Variants in SLC9B1 observed in about 807,000 individuals in gnomAD.
SLC9B1 encodes the protein sodium/hydrogen exchanger 9B1.
Under a neutral mutation model 51.7 loss-of-function variants are expected in SLC9B1, and 32 were observed. The observed-to-expected ratio is 0.62, with a 90% CI of 0.47 to 0.83. The LOEUF (loss-of-function observed/expected upper bound fraction) is 0.83, where lower values mean the gene tolerates loss of function less well. SLC9B1 is among the 40% of genes least tolerant of loss of function. The probability of loss-of-function intolerance (pLI) is 0.00; values close to 1 mark genes in which losing one functional copy is unlikely to be tolerated. For synonymous variants in SLC9B1, 145 were observed against 212.7 expected (o/e 0.68, Z 2.77); for missense variants, 406 against 613.2 (o/e 0.66, Z 3.57).
At chr4:103,019,083 T>C (rs1433979922) in intron 1 of SLC9B1, among the ~76,000 whole-genome samples, 1 of 152,114 alleles carries the variant, frequency 6.6e-6, no homozygotes, top group Non-Finnish European at 1.5e-5. Context: ...GCCAAAAAGG[T>C]TGGGGACTGC....
At chr4:102,894,506 A>G (rs1734440175) in intron 11 of SLC9B1, among the ~76,000 whole-genome samples, 1 of 152,190 alleles carries the variant, frequency 6.6e-6, no homozygotes, top group Non-Finnish European at 1.5e-5. Context: ...TGGAAATAAG[A>G]TGATAATACA....
At chr4:102,959,436 T>C (rs552111922) in intron 3 of SLC9B1, among the ~76,000 whole-genome samples, 5 of 152,320 alleles carry the variant, frequency 3.3e-5, no homozygotes, top group East Asian at 1.9e-4. Flanking sequence ...TGAAAGAACA[T>C]TGCAATCTGT....
At chr4:102,981,772 C>A (rs572274324) in intron 3 of SLC9B1, among the ~76,000 whole-genome samples, 1 of 152,114 alleles carries the variant, frequency 6.6e-6, no homozygotes, top group South Asian at 2.1e-4. Flanking sequence ...CAAATATGTC[C>A]TTTGCAAATA....
At chr4:102,982,581 A>G (rs557815104) in intron 3 of SLC9B1, among the ~76,000 whole-genome samples, 2 of 152,252 alleles carry the variant, frequency 1.3e-5, no homozygotes, top group East Asian at 3.9e-4. Flanking sequence ...TTTTATAGTT[A>G]TTACTCAAAT....
chr4:102,971,675 C>G (rs980651175), intron 3 of SLC9B1, among the ~76,000 whole-genome samples: 1 of 152,044 alleles, frequency 6.6e-6, no homozygotes, highest in African/African-American at 2.4e-5. Flanking sequence ...ATAAAAAACC[C>G]TTCAAAAAAT....
chr4:102,976,486 CA>C (rs1739076549), intron 3 of SLC9B1, among the ~76,000 whole-genome samples: 1 of 152,080 alleles, frequency 6.6e-6, no homozygotes, highest in Non-Finnish European at 1.5e-5. Flanking sequence ...AGACTATATG[CA>C]AGGATAGGTC....
intron 7 of SLC9B1, among the ~76,000 whole-genome samples, chr4:102,920,777 T>C (rs1189717073): frequency 6.6e-6 from 1 of 152,148 alleles, no homozygotes; most frequent in Non-Finnish European, 1.5e-5. Flanking sequence ...CAAGCTTCAA[T>C]AGCCGATTCA....
rs746692579 is a variant in SLC9B1 at position 102,968,682 on chromosome 4, A to C, written c.212-19255T>G. ...GGTTCATCTCACTGGGACTGGTTGGACAGTGGGTGCAGCCCACAGAGGGTG... is the reference window on the plus strand; with the variant it reads ...GGTTCATCTCACTGGGACTGGTTGGCCAGTGGGTGCAGCCCACAGAGGGTG... On this transcript the variant is annotated intron_variant, in intron 3 of 11. Transcript: ENST00000296422. Among the ~76,000 whole-genome samples the C allele has an allele frequency of 3.4e-4, 51 of 152,198 alleles. 1 individual carries two copies. The highest frequency in any genetic ancestry group is 7.3e-5 in the Non-Finnish European group (5 of 68,032).
At chr4:102,930,364 T>C (rs927602135) in intron 7 of SLC9B1, among the ~76,000 whole-genome samples, 6 of 152,136 alleles carry the variant, frequency 3.9e-5, no homozygotes, top group Non-Finnish European at 8.8e-5. Flanking sequence ...CTTAAGAAAA[T>C]ATGAAGAATA....
At chr4:103,006,411 C>T (rs1438185634) in intron 1 of SLC9B1, among the ~76,000 whole-genome samples, 1 of 151,996 alleles carries the variant, frequency 6.6e-6, no homozygotes, top group Non-Finnish European at 1.5e-5. Context: ...GGGTAAATTT[C>T]TGGAAACGTA....
At chr4:102,997,784 A>C (rs374692921) in intron 1 of SLC9B1, among the ~76,000 whole-genome samples, 3 of 152,256 alleles carry the variant, frequency 2.0e-5, no homozygotes, top group African/African-American at 7.2e-5. Context: ...CTTTGCCTGA[A>C]AAATATCTAT....
At chr4:102,925,856 T>C (rs190544059) in intron 7 of SLC9B1, among the ~76,000 whole-genome samples, 1,859 of 152,290 alleles carry the variant, frequency 0.012, 16 homozygotes, top group African/African-American at 0.042. Context: ...AATAAAATAC[T>C]GGCAAACCGA....
At chr4:102,916,285 G>T (rs1269575657) in intron 7 of SLC9B1, among the ~76,000 whole-genome samples, 1 of 152,100 alleles carries the variant, frequency 6.6e-6, no homozygotes, top group East Asian at 1.9e-4. Context: ...AGAGAACAAC[G>T]ATGGCCATAC....
At chr4:102,948,332 A>C (rs1357786228) in intron 4 of SLC9B1, among the ~76,000 whole-genome samples, 4 of 148,470 alleles carry the variant, frequency 2.7e-5, no homozygotes, top group African/African-American at 7.7e-5. Flanking sequence ...CCATACACAC[A>C]CACACACACA....
intron 3 of SLC9B1, among the ~76,000 whole-genome samples, chr4:102,956,242 A>T (rs547723849): frequency 3.2e-4 from 48 of 151,914 alleles, no homozygotes; most frequent in African/African-American, 1.1e-3. Context: ...ACTTTACCAC[A>T]CACAACTTTT....
chr4:103,007,591 CTTT>C (rs58447131), intron 1 of SLC9B1, among the ~76,000 whole-genome samples: 45,808 of 106,164 alleles, frequency 0.43, 6,895 homozygotes, highest in African/African-American at 0.52. Flanking sequence ...CTCTTGTCAT[CTTT>C]TTTTTTTTTT....
At chr4:102,888,344 G>C (rs1734046468) in intron 11 of SLC9B1, 1 of 152,118 alleles carries the variant, frequency 6.6e-6, no homozygotes, top group Admixed American at 6.6e-5. Flanking sequence ...CCATACTCAA[G>C]TCCCACAGAA....
chr4:102,955,530 T>G (rs1737739714), intron 3 of SLC9B1, among the ~76,000 whole-genome samples: 1 of 151,984 alleles, frequency 6.6e-6, no homozygotes. Flanking sequence ...AGGGGTGGAT[T>G]TGGTATGGAG....
intron 11 of SLC9B1, chr4:102,890,020 C>T (rs1282598415): frequency 6.6e-6 from 1 of 152,076 alleles, no homozygotes; most frequent in Non-Finnish European, 1.5e-5. Flanking sequence ...CTTCTGCTTA[C>T]CTAGGAAACT....
Sources: allele counts gnomAD v4.1 joint callset (sites outside exome capture counted in the v4.1 genomes callset), GRCh38; gene constraint gnomAD v4.1.1; transcripts MANE v1.5; gene names NCBI Gene and HGNC (gene_info 2026-07-23, HGNC 2026-07-21).